The following NKAIN3 variants were observed in gnomAD, a reference collection of about 807,000 sequenced individuals.
NKAIN3 encodes sodium/potassium transporting ATPase interacting 3, also known as sodium/potassium-transporting ATPase subunit beta-1-interacting protein 3.
In NKAIN3, 25 loss-of-function variants were observed where a neutral mutation model predicts 30.2. The observed-to-expected ratio is 0.83, with a 90% confidence interval of 0.60 to 1.16. The LOEUF (loss-of-function observed/expected upper bound fraction) is 1.16. Among genes scored for constraint, NKAIN3 ranks in the 50% most tolerant of loss-of-function variants. The pLI, the probability that NKAIN3 is intolerant of heterozygous loss-of-function variation, is 0.00. For missense variants in NKAIN3, 225 were observed against 254.1 expected (o/e 0.89, Z 0.78); for synonymous variants, 91 against 89.6 (o/e 1.02, Z -0.09).
At chr8:62,932,558 C>A (rs1367099628) in intron 5 of NKAIN3, among the ~76,000 whole-genome samples, 1 of 152,112 alleles carries the variant, frequency 6.6e-6, no homozygotes, top group Non-Finnish European at 1.5e-5. Flanking sequence ...AGCACAGAAA[C>A]ACCATAAAAT....
intron 1 of NKAIN3, among the ~76,000 whole-genome samples, chr8:62,476,493 T>C (rs2129600401): frequency 6.6e-6 from 1 of 152,182 alleles, no homozygotes; most frequent in South Asian, 2.1e-4. Context: ...AGTCTCGCTC[T>C]TTCACCAGGC....
intron 4 of NKAIN3, among the ~76,000 whole-genome samples, chr8:62,769,026 T>G (rs1177858577): frequency 1.3e-5 from 2 of 152,204 alleles, no homozygotes; most frequent in Non-Finnish European, 2.9e-5. Context: ...GGGATTATTT[T>G]TATTTCAGGC....
chr8:62,919,413 T>G (rs1168274963), intron 5 of NKAIN3, among the ~76,000 whole-genome samples: 1 of 151,220 alleles, frequency 6.6e-6, no homozygotes, highest in Admixed American at 6.6e-5. Flanking sequence ...TCCGGCTAAT[T>G]TTTTTGTATT....
At chr8:62,599,398 C>A (rs1315243344) in intron 3 of NKAIN3, among the ~76,000 whole-genome samples, 1 of 152,030 alleles carries the variant, frequency 6.6e-6, no homozygotes, top group Non-Finnish European at 1.5e-5. Context: ...CCTCAATTTC[C>A]TGTTCTGCAA....
At chr8:62,372,185 C>T (rs1816931950) in intron 1 of NKAIN3, among the ~76,000 whole-genome samples, 1 of 151,290 alleles carries the variant, frequency 6.6e-6, no homozygotes, top group Non-Finnish European at 1.5e-5. Flanking sequence ...GAATCTTTTG[C>T]CTTTATGTAT....
In NKAIN3 at chr8:62,983,672, G is replaced by C. The variant is rs557006343; in HGVS notation, c.*18265G>C. On this transcript the variant is annotated 3_prime_UTR_variant, in exon 7 of 7. Transcript: ENST00000623646. The stretch of plus-strand genomic sequence containing the variant: ...CTAGACCGCCCCATTCATCTGAGTA[G>C]TTAGGGCTCTGGATGAAGGAGCAAA... The C allele has an allele frequency of 1.3e-5, 2 of 152,300 alleles. No homozygotes were observed. Among genetic ancestry groups the C allele is most frequent in the South Asian group, 2.1e-4 (1 of 4,822 alleles). 9.4% of individuals were successfully genotyped at this position (152,300 alleles called of 1,614,324 possible).
intron 1 of NKAIN3, among the ~76,000 whole-genome samples, chr8:62,275,350 G>T (rs182518287): frequency 1.3e-5 from 2 of 152,320 alleles, no homozygotes; most frequent in East Asian, 3.9e-4. Context: ...GGCCAGTGAT[G>T]ATGAGCATTT....
At chr8:62,686,850 A>T (rs985340349) in intron 3 of NKAIN3, among the ~76,000 whole-genome samples, 1 of 152,212 alleles carries the variant, frequency 6.6e-6, no homozygotes, top group Non-Finnish European at 1.5e-5. Context: ...AACCACATGC[A>T]TATGGGTTAA....
chr8:62,945,596 C>T (rs1321657252), intron 5 of NKAIN3, among the ~76,000 whole-genome samples: 1 of 152,130 alleles, frequency 6.6e-6, no homozygotes, highest in East Asian at 1.9e-4. Flanking sequence ...TCCAGAATGG[C>T]CATACTTTTT....
At chr8:62,631,378 C>G (rs370846925) in intron 3 of NKAIN3, among the ~76,000 whole-genome samples, 1 of 152,148 alleles carries the variant, frequency 6.6e-6, no homozygotes, top group East Asian at 1.9e-4. Context: ...CTGTCCTTCA[C>G]CCATCGCCTA....
At chr8:62,598,716 G>A (rs953138991) in intron 3 of NKAIN3, among the ~76,000 whole-genome samples, 3 of 151,956 alleles carry the variant, frequency 2.0e-5, no homozygotes, top group African/African-American at 7.2e-5. Flanking sequence ...CACGTAGAAG[G>A]GACACTGTGT....
chr8:62,345,297 ATATATATG>A (rs1815898418), intron 1 of NKAIN3, among the ~76,000 whole-genome samples: 1 of 134,714 alleles, frequency 7.4e-6, no homozygotes, highest in African/African-American at 2.7e-5. Flanking sequence ...ATATACACAC[ATATATATG>A]TATATATACA....
chr8:62,726,596 T>C (rs1450424861), intron 3 of NKAIN3, among the ~76,000 whole-genome samples: 3 of 152,086 alleles, frequency 2.0e-5, no homozygotes, highest in African/African-American at 7.2e-5. Flanking sequence ...ATGTATTGCA[T>C]TGTTTGGTTT....
chr8:62,297,384 C>A (rs909816385), intron 1 of NKAIN3, among the ~76,000 whole-genome samples: 1 of 151,892 alleles, frequency 6.6e-6, no homozygotes, highest in Non-Finnish European at 1.5e-5. Flanking sequence ...AGTGAACAGG[C>A]AACCTACAAA....
At chr8:62,988,232 G>A (rs548547715), downstream of NKAIN3, among the ~76,000 whole-genome samples, 6 of 152,270 alleles carry the variant, frequency 3.9e-5, no homozygotes, top group South Asian at 1.2e-3. Flanking sequence ...TTTTCCAGAT[G>A]CACAGTGCAA....
intron 3 of NKAIN3, among the ~76,000 whole-genome samples, chr8:62,607,698 GA>G (rs1811169701): frequency 6.6e-6 from 1 of 151,458 alleles, no homozygotes; most frequent in African/African-American, 2.4e-5. Flanking sequence ...TTTCACATTT[GA>G]ATTTGTGAAA....
intron 3 of NKAIN3, among the ~76,000 whole-genome samples, chr8:62,651,178 G>A (rs1274359636): frequency 6.6e-6 from 1 of 151,074 alleles, no homozygotes; most frequent in African/African-American, 2.4e-5. Flanking sequence ...TCCCTCTTAG[G>A]AAAAGTGCAA....
chr8:62,943,808 A>G (rs2130886158), intron 5 of NKAIN3, among the ~76,000 whole-genome samples: 1 of 148,722 alleles, frequency 6.7e-6, no homozygotes, highest in Admixed American at 6.7e-5. Context: ...TATGGTATAT[A>G]AATATATATA....
At chr8:62,990,160 A>G in intron 5 of NKAIN3, 1 of 1,199,918 alleles carries the variant, frequency 8.3e-7, no homozygotes, top group Non-Finnish European at 1.2e-6. Context: ...CTTATTTTTT[A>G]TTCTCAGATT....
Sources: allele counts gnomAD v4.1 joint callset (sites outside exome capture counted in the v4.1 genomes callset), GRCh38; gene constraint gnomAD v4.1.1; transcripts MANE v1.5; gene names NCBI Gene and HGNC (gene_info 2026-07-23, HGNC 2026-07-21).